Variants in PARD3 observed in about 807,000 individuals in gnomAD.
PARD3 encodes partitioning defective 3 homolog.
PARD3 carries 75 observed loss-of-function variants against 155.4 expected under a neutral mutation model. The ratio of observed to expected loss-of-function variants is 0.48; its 90% CI spans 0.40 to 0.58. The LOEUF (loss-of-function observed/expected upper bound fraction) is 0.58. PARD3 is among the 20% of genes least tolerant of loss of function. The probability of loss-of-function intolerance (pLI) is 0.00; values close to 1 mark genes in which losing one functional copy is unlikely to be tolerated. For missense variants in PARD3, 1,642 were observed against 1,721.7 expected (o/e 0.95, Z 0.82); for synonymous variants, 576 against 610.5 (o/e 0.94, Z 0.83).
intron 5 of PARD3, among the ~76,000 whole-genome samples, chr10:34,420,416 C>T (rs1307432022): frequency 6.6e-6 from 1 of 152,158 alleles, no homozygotes; most frequent in Non-Finnish European, 1.5e-5. Flanking sequence ...TCAGTTTATA[C>T]ATAGGAGACA....
At chr10:34,399,188 T>C (rs1238922663) in intron 7 of PARD3, 142 bp downstream of exon 7, 1 of 647,364 alleles carries the variant, frequency 1.5e-6, no homozygotes, top group East Asian at 2.6e-5. Flanking sequence ...GACATATATA[T>C]AGGAATGAAG....
intron 22 of PARD3, among the ~76,000 whole-genome samples, chr10:34,242,602 G>A (rs556855063): frequency 3.5e-4 from 54 of 152,196 alleles, no homozygotes; most frequent in African/African-American, 1.0e-3. Context: ...AATATTTCAC[G>A]AACAAAAGTA....
chr10:34,135,581 T>C (rs10827330), intron 22 of PARD3, among the ~76,000 whole-genome samples: 32,454 of 152,130 alleles, frequency 0.21, 3,878 homozygotes, highest in Middle Eastern at 0.4. Context: ...ATGTGCTTCC[T>C]GAATGTGGCT....
intron 2 of PARD3, among the ~76,000 whole-genome samples, chr10:34,611,467 A>C (rs1345865538): frequency 6.6e-6 from 1 of 152,208 alleles, no homozygotes; most frequent in East Asian, 1.9e-4. Context: ...TACACCAAGG[A>C]AGGCAAGGAA....
chr10:34,113,145 TC>T (rs1946477281), intron 24 of PARD3, among the ~76,000 whole-genome samples: 1 of 152,200 alleles, frequency 6.6e-6, no homozygotes, highest in Non-Finnish European at 1.5e-5. Flanking sequence ...TTATGAGTTA[TC>T]AGTTTGAAGA....
chr10:34,312,757 T>C (rs1468072591), intron 20 of PARD3, among the ~76,000 whole-genome samples: 3 of 152,208 alleles, frequency 2.0e-5, no homozygotes, highest in Non-Finnish European at 4.4e-5. Flanking sequence ...CTATCACATA[T>C]GGACAACAGC....
intron 2 of PARD3, among the ~76,000 whole-genome samples, chr10:34,557,042 G>T (rs1169424033): frequency 1.3e-5 from 2 of 152,138 alleles, no homozygotes; most frequent in Admixed American, 1.3e-4. Context: ...TCAGCCAATA[G>T]CTCAGCAATG....
In PARD3 at chr10:34,550,133, G is replaced by A. The variant is rs76005020; in HGVS notation, c.223-32974C>T. On this transcript the variant is annotated intron_variant, in intron 2 of 24. Transcript: ENST00000374788. ...TCACAAACATCCGGAGCACATGAAT[G>A]TGCGAGGTAGGGCTGGATGCACACA... is the stretch of plus-strand genomic sequence containing the variant. 5.8e-3 allele frequency among the ~76,000 whole-genome samples: 883 copies of A among 152,302 alleles called. 8 individuals carry two copies. The highest frequency in any genetic ancestry group is 9.8e-3 in the Non-Finnish European group (665 of 68,036).
At chr10:34,176,947 T>TTGTGTGTGTGTGTGTG (rs55740137) in intron 22 of PARD3, among the ~76,000 whole-genome samples, 81 of 149,576 alleles carry the variant, frequency 5.4e-4, no homozygotes, top group African/African-American at 1.8e-3. Flanking sequence ...GAGAAGCAGG[T>TTGTGTGTGTGTGTGTG]TGTGTGTGTG....
At chr10:34,515,665 G>A (rs1419027441) in intron 3 of PARD3, among the ~76,000 whole-genome samples, 2 of 151,908 alleles carry the variant, frequency 1.3e-5, no homozygotes, top group Admixed American at 1.3e-4. Context: ...CACCTTCAAG[G>A]GACAAGAGAA....
chr10:34,361,502 T>C (rs530565779), intron 12 of PARD3, among the ~76,000 whole-genome samples: 4 of 152,188 alleles, frequency 2.6e-5, no homozygotes, highest in Non-Finnish European at 2.9e-5. Flanking sequence ...TAAAATGTCC[T>C]AATAAGAATA....
Position 34,617,232 on chromosome 10 carries a change from G to A in PARD3, c.222+79086C>T, listed in dbSNP as rs150765065. Among the ~76,000 whole-genome samples, 12 of 152,044 alleles carry A rather than the reference G, an allele frequency of 7.9e-5. 1 individual carries two copies. The highest frequency in any genetic ancestry group is 2.9e-4 in the African/African-American group (12 of 41,450). On this transcript the variant is annotated intron_variant, in intron 2 of 24. Transcript: ENST00000374788. The stretch of plus-strand genomic sequence containing the variant: ...ATCACGCACCATTACACTCCAGCCT[G>A]GGCGACAGAGCAAGACTCTGTCTCA...
At chr10:34,498,647 C>T (rs1288647002) in intron 3 of PARD3, among the ~76,000 whole-genome samples, 5 of 152,110 alleles carry the variant, frequency 3.3e-5, no homozygotes, top group Non-Finnish European at 7.4e-5. Flanking sequence ...TGTGGTGGTG[C>T]ACACCTGTAA....
intron 5 of PARD3, among the ~76,000 whole-genome samples, chr10:34,449,574 A>C (rs932960709): frequency 6.6e-6 from 1 of 151,518 alleles, no homozygotes; most frequent in Non-Finnish European, 1.5e-5. Flanking sequence ...CACATTGTGC[A>C]CATGTACCCT....
chr10:34,210,956 CA>C lies in PARD3; in HGVS notation c.3419+58700del, dbSNP rs1564485273. Among the ~76,000 whole-genome samples, 3 of 152,228 alleles carry C rather than the reference CA, an allele frequency of 2.0e-5. No individual in the cohort carries two copies. The East Asian group carries it at 5.8e-4, about 29-fold the overall frequency. On this transcript the variant is annotated intron_variant, in intron 22 of 24. Transcript: ENST00000374788. ...ACCTGTTCAGGTGACACCTACCAAT[CA>C]TAAGGGAGGACAGGTGACATGTTTA... is the stretch of plus-strand genomic sequence containing the variant.
At chr10:34,401,991 A>G (rs941227828) in intron 5 of PARD3, 74 bp from the exon 6 acceptor site, 1 of 1,153,300 alleles carries the variant, frequency 8.7e-7, no homozygotes, top group African/African-American at 1.5e-5. Flanking sequence ...GAAACTGGAT[A>G]AAATGGAAGT....
chr10:34,720,983 A>G (rs1414302638), intron 1 of PARD3, among the ~76,000 whole-genome samples: 2 of 152,178 alleles, frequency 1.3e-5, no homozygotes, highest in Non-Finnish European at 2.9e-5. Flanking sequence ...TGTCATGATG[A>G]AATAAAAGAA....
At chr10:34,135,444 G>A (rs1052716661) in intron 22 of PARD3, among the ~76,000 whole-genome samples, 12 of 152,310 alleles carry the variant, frequency 7.9e-5, no homozygotes, top group East Asian at 1.9e-4. Context: ...CTAGCCCAGC[G>A]TGCACAGAAC....
At chr10:34,687,846 CTTTTTTTTTTTTT>C (rs397846339) in intron 2 of PARD3, among the ~76,000 whole-genome samples, 3 of 63,722 alleles carry the variant, frequency 4.7e-5, no homozygotes, top group Admixed American at 2.6e-4. Context: ...CACCTGAAAT[CTTTTTTTTTTTTT>C]TTTTTTTTTT....
Sources: allele counts gnomAD v4.1 joint callset (sites outside exome capture counted in the v4.1 genomes callset), GRCh38; gene constraint gnomAD v4.1.1; transcripts MANE v1.5; gene names NCBI Gene and HGNC (gene_info 2026-07-23, HGNC 2026-07-21).